Variants in LUC7L3 observed in about 807,000 individuals in gnomAD.
LUC7L3 encodes LUC7 like 3 pre-mRNA splicing factor, also known as luc7-like protein 3.
Under a neutral mutation model 66.8 loss-of-function variants are expected in LUC7L3, and 6 were observed. The ratio of observed to expected loss-of-function variants is 0.09; its 90% CI spans 0.05 to 0.18. LUC7L3 has a LOEUF of 0.18. Ranked by LOEUF, LUC7L3 falls within the 10% of genes least tolerant of loss-of-function variation. LUC7L3 has a pLI of 1.00. For missense variants in LUC7L3, 341 were observed against 531.1 expected, an observed-to-expected ratio of 0.64 and a Z score of 3.52; for synonymous variants, 160 against 174.7, an observed-to-expected ratio of 0.92 and a Z score of 0.66.
In LUC7L3 at chr17:50,749,272, C is replaced by T. The variant is rs141784910; in HGVS notation, c.1139-1229C>T. On this transcript the variant is annotated intron_variant, in intron 9 of 9. Coordinates refer to ENST00000505658, the MANE Select transcript of LUC7L3 (RefSeq NM_016424.5). ...ACTAGTCCTCTACGGGACAACAAGA[C>T]GACTCTTCCTCATTGAAGCTACCTG... 15 of 1,289,010 alleles carry T rather than the reference C, an allele frequency of 1.2e-5. No homozygotes were observed. The East Asian group carries it at 2.2e-4, about 19-fold the overall frequency. The allele number at this position is 1,289,010 out of a possible 1,614,324, so 79.8% of individuals were successfully genotyped here. A position where few individuals can be genotyped will look rare whatever the true frequency, so the allele number is the denominator to read the frequency against.
At chr17:50,734,510 T>C (rs1028376350) in intron 1 of LUC7L3, among the ~76,000 whole-genome samples, 30 of 152,156 alleles carry the variant, frequency 2.0e-4, no homozygotes, top group African/African-American at 5.8e-4. Flanking sequence ...TGTCACTTAA[T>C]GTTGCCAGGG....
intron 1 of LUC7L3, among the ~76,000 whole-genome samples, chr17:50,732,426 G>A (rs550381237): frequency 3.0e-4 from 45 of 152,052 alleles, no homozygotes; most frequent in Non-Finnish European, 5.9e-4. Context: ...TTTTCACCCA[G>A]GCTGAAGTGC....
intron 3 of LUC7L3, among the ~76,000 whole-genome samples, chr17:50,740,682 C>G (rs12600496): frequency 0.087 from 13,278 of 152,166 alleles, 680 homozygotes; most frequent in Non-Finnish European, 0.11. Context: ...CCTCAAACTC[C>G]CGAGTAGTTG....
chr17:50,729,106 CAT>C (rs1489813467), intron 1 of LUC7L3, among the ~76,000 whole-genome samples: 4 of 152,004 alleles, frequency 2.6e-5, no homozygotes, highest in Non-Finnish European at 5.9e-5. Flanking sequence ...GTTACAGAAA[CAT>C]AACTAAAAAG....
At chr17:50,727,292 G>A (rs1009385138) in intron 1 of LUC7L3, among the ~76,000 whole-genome samples, 1 of 152,128 alleles carries the variant, frequency 6.6e-6, no homozygotes, top group African/African-American at 2.4e-5. Flanking sequence ...ATTTAGTTCA[G>A]TTCCCCAGAC....
chr17:50,746,647 T>C lies in LUC7L3; in HGVS notation c.1083T>C (p.Tyr361=). The stretch of plus-strand genomic sequence containing the variant: ...CAAAAAGCCGGGATCGAAAGTCATA[T>C]AAGCACAGGAGCAAAAGTCGGGACA... ...RRSKSRDRKS[Y]KHRSKSRDRE... is the part of the protein sequence containing the mutation. Residue 361 remains tyrosine (Y), a synonymous_variant, in exon 9 of 10, where the codon TAT becomes TAC. Coordinates refer to ENST00000505658, the MANE Select transcript of LUC7L3 (RefSeq NM_016424.5). 3.1e-6 allele frequency: 5 copies of C among 1,614,134 alleles called. No homozygotes were observed. Among genetic ancestry groups the C allele is most frequent in the Non-Finnish European group, 3.4e-6 (4 of 1,179,988 alleles).
chr17:50,749,405 A>G, intron 9 of LUC7L3: 12 of 1,219,622 alleles, frequency 9.8e-6, no homozygotes, highest in Non-Finnish European at 1.3e-5. Context: ...ACATGAAGCA[A>G]GTCTTGCGCT....
At position 50,754,954 on chromosome 17, in the gene LUC7L3, T is replaced by G. The variant is rs186499574; in HGVS notation, c.*4293T>G. On this transcript the variant is annotated 3_prime_UTR_variant, in exon 10 of 10. Coordinates refer to ENST00000505658, the MANE Select transcript of LUC7L3 (RefSeq NM_016424.5). ...GGAAGTTCTCTGAGCCCTCATCCAT[T>G]CTGTTTTTAAAAATGCATTGCAGAT... 1.3e-5 allele frequency: 2 copies of G among 152,344 alleles called. No individual in the cohort carries two copies. The highest frequency in any genetic ancestry group is 3.9e-4 in the East Asian group (2 of 5,188). 9.4% of individuals were successfully genotyped at this position (152,344 alleles called of 1,614,324 possible).
intron 1 of LUC7L3, among the ~76,000 whole-genome samples, chr17:50,727,040 G>T (rs984321172): frequency 2.6e-5 from 4 of 152,156 alleles, no homozygotes; most frequent in African/African-American, 9.6e-5. Flanking sequence ...AGTGAGCCGA[G>T]ATCATGCCAC....
chr17:50,734,979 C>A (rs570480732), intron 1 of LUC7L3, among the ~76,000 whole-genome samples: 1 of 152,178 alleles, frequency 6.6e-6, no homozygotes, highest in Non-Finnish European at 1.5e-5. Context: ...GCCTGTAATC[C>A]TAGCACTTTC....
At chr17:50,744,849 C>G (rs1189026027) in intron 7 of LUC7L3, 36 bp downstream of exon 7, 1 of 1,574,548 alleles carries the variant, frequency 6.4e-7, no homozygotes, top group Non-Finnish European at 8.7e-7. Flanking sequence ...CAGATTCTTG[C>G]TCTGTCACCT....
intron 1 of LUC7L3, chr17:50,723,845 G>A (rs1968967154): frequency 8.0e-6 from 3 of 376,596 alleles, no homozygotes; most frequent in South Asian, 1.8e-5. Context: ...ATATTGGCCA[G>A]GCTGGTCTTG....
intron 3 of LUC7L3, among the ~76,000 whole-genome samples, 161 bp from the exon 4 acceptor site, chr17:50,740,941 T>A (rs1325330260): frequency 1.3e-5 from 2 of 152,210 alleles, no homozygotes; most frequent in Non-Finnish European, 2.9e-5. Context: ...AACCCCTGTG[T>A]AAAGCTCTAT....
At position 50,755,872 on chromosome 17, in the gene LUC7L3, A is replaced by G. The variant is rs151035677; in HGVS notation, c.*5211A>G. ...TGGTATATTCCAACAGTGGAATTCCACAGAAGTGAAACTGAACTGCAGCTG... is the reference window on the plus strand; with the variant it reads ...TGGTATATTCCAACAGTGGAATTCCGCAGAAGTGAAACTGAACTGCAGCTG... On this transcript the variant is annotated 3_prime_UTR_variant, in exon 10 of 10. Transcript: ENST00000505658. 1 of 152,382 alleles carries G rather than the reference A, an allele frequency of 6.6e-6. No individual in the cohort carries two copies. The highest frequency in any genetic ancestry group is 1.9e-4 in the East Asian group (1 of 5,192). The allele number at this position is 152,382 out of a possible 1,614,324, so 9.4% of individuals were successfully genotyped here.
At chr17:50,742,706 C>G (rs968029523) in intron 5 of LUC7L3, among the ~76,000 whole-genome samples, 1 of 152,064 alleles carries the variant, frequency 6.6e-6, no homozygotes, top group Non-Finnish European at 1.5e-5. Context: ...CATTCTACTC[C>G]CAAATATTTA....
chr17:50,734,548 G>A (rs994924918), intron 1 of LUC7L3, among the ~76,000 whole-genome samples: 1 of 152,152 alleles, frequency 6.6e-6, no homozygotes, highest in African/African-American at 2.4e-5. Context: ...GTTCACAGGT[G>A]TGGTCCTAGC....
intron 5 of LUC7L3, among the ~76,000 whole-genome samples, chr17:50,742,954 TGAAA>T: frequency 6.6e-6 from 1 of 152,102 alleles, no homozygotes; most frequent in Non-Finnish European, 1.5e-5. Flanking sequence ...TTAGGCTGAG[TGAAA>T]GAAGCCGGAC....
At chr17:50,735,890 T>C (rs1969954468) in intron 1 of LUC7L3, among the ~76,000 whole-genome samples, 1 of 152,180 alleles carries the variant, frequency 6.6e-6, no homozygotes, top group South Asian at 2.1e-4. Flanking sequence ...CCCAGCACGT[T>C]GGGAGGCCAA....
chr17:50,738,822 G>T (rs899154620), intron 2 of LUC7L3, among the ~76,000 whole-genome samples: 2 of 152,010 alleles, frequency 1.3e-5, no homozygotes, highest in African/African-American at 4.8e-5. Context: ...GGTTGAGCAG[G>T]TCCTACAAGT....
Sources: gnomAD v4.1 joint callset for allele counts (sites outside exome capture counted in the v4.1 genomes callset) on GRCh38, gnomAD v4.1.1 for gene constraint, MANE v1.5 for transcripts, NCBI Gene and HGNC (gene_info 2026-07-23, HGNC 2026-07-21) for gene names.